Variants in TET2 observed in about 807,000 individuals in gnomAD.
The protein encoded by TET2 is tet methylcytosine dioxygenase 2, also known as methylcytosine dioxygenase TET2.
A neutral mutation model predicts 142.9 loss-of-function variants in TET2; 299 were observed. The observed-to-expected ratio is 2.09, with a 90% confidence interval of 1.90 to 2.30. TET2 has a LOEUF of 2.30. Among genes scored for constraint, TET2 ranks in the 30% most tolerant of loss-of-function variants. The probability of loss-of-function intolerance (pLI) is 0.00; values close to 1 mark genes in which losing one functional copy is unlikely to be tolerated. For synonymous variants in TET2, 819 were observed against 849.0 expected (o/e 0.96, Z 0.61); for missense variants, 2,418 against 2,378.0 (o/e 1.02, Z -0.35).
intron 6 of TET2, among the ~76,000 whole-genome samples, chr4:105,248,294 T>A (rs1204015589): frequency 6.6e-6 from 1 of 152,228 alleles, no homozygotes; most frequent in East Asian, 1.9e-4. Context: ...CAGTTTTCTC[T>A]CACTTGATGT....
Position 105,243,746 on chromosome 4 carries a change from G to A in TET2, c.3771G>A (p.Thr1257=), listed in dbSNP as rs778466455. ...CCGAGACGCTGAGGAAATACGGCAC[G>A]CTCACCAATCGCCGGTGTGCCTTGA... ...ELTETLRKYG[T]LTNRRCALNE... The change falls in exon 6 of 11, where the codon ACG becomes ACA. Residue 1257 remains threonine, a synonymous_variant. Coordinates refer to ENST00000380013, the MANE Select transcript of TET2 (RefSeq NM_001127208.3). 33 of 1,551,380 alleles carry A rather than the reference G, an allele frequency of 2.1e-5. No homozygotes were observed. The highest frequency in any genetic ancestry group is 1.7e-4 in the Middle Eastern group (1 of 6,012).
chr4:105,229,396 C>T (rs1003713413), intron 2 of TET2, among the ~76,000 whole-genome samples: 5 of 152,118 alleles, frequency 3.3e-5, no homozygotes, highest in Admixed American at 1.3e-4. Context: ...CTGCAACCTC[C>T]GCCTCCTGGG....
At chr4:105,270,958 G>T (rs1730924967) in intron 9 of TET2, among the ~76,000 whole-genome samples, 2 of 152,124 alleles carry the variant, frequency 1.3e-5, no homozygotes, top group South Asian at 4.2e-4. Context: ...GAAGAAGCTG[G>T]TGTGAAGTTT....
At position 105,275,939 on chromosome 4, in the gene TET2, C is replaced by T; in HGVS notation, c.5429C>T (p.Ala1810Val). ...CCAGCTCTTAACCATGATAGAACTG[C>T]TTGTGTCCAAGGAGGCTTACACAAA... ...MLPALNHDRTACVQGGLHKLS... is the reference protein window; with the variant it reads ...MLPALNHDRTVCVQGGLHKLS... The change falls in exon 11 of 11, where the codon GCT becomes GTT. Residue 1810 changes from alanine to valine, a missense_variant. By Grantham distance (64) the Ala-to-Val change is moderately conservative. Transcript: ENST00000380013. The T allele has an allele frequency of 1.3e-6, 2 of 1,551,964 alleles. No individual in the cohort carries two copies. Among genetic ancestry groups the T allele is most frequent in the Non-Finnish European group, 1.7e-6 (2 of 1,147,014 alleles).
intron 1 of TET2, among the ~76,000 whole-genome samples, chr4:105,168,131 AC>A (rs1391743518): frequency 6.6e-6 from 1 of 152,120 alleles, no homozygotes; most frequent in Non-Finnish European, 1.5e-5. Context: ...TTCTTACCTC[AC>A]CGTGGGTTTT....
chr4:105,229,598 C>T (rs904860254), intron 2 of TET2, among the ~76,000 whole-genome samples: 5 of 151,854 alleles, frequency 3.3e-5, no homozygotes, highest in Non-Finnish European at 5.9e-5. Context: ...CGTGAGCCAC[C>T]GTGCCTGGCC....
Position 105,244,081 on chromosome 4 carries a change from C to T in TET2, c.3803+303C>T, listed in dbSNP as rs1578692778. ...TGTGCTCACATGCTACAAGTGACGG[C>T]TCCTGTGTGCCTGGCCACTATATTA... On this transcript the variant is annotated intron_variant, in intron 6 of 10. Transcript: ENST00000380013. Among the ~76,000 whole-genome samples, 8 of 152,302 alleles carry T rather than the reference C, an allele frequency of 5.3e-5. 2 individuals are homozygous for T. Among genetic ancestry groups the T allele is most frequent in the Admixed American group, 5.2e-4 (8 of 15,304 alleles).
chr4:105,275,025 G>A (rs751220113), intron 10 of TET2, 23 bp from the exon 11 acceptor site: 3 of 1,475,236 alleles, frequency 2.0e-6, no homozygotes, highest in East Asian at 2.5e-5. Context: ...ACCTGTTTCT[G>A]TTCTCTCTTA....
rs571593644 is a variant in TET2 at position 105,261,170 on chromosome 4, T to G, written c.3955-589T>G. On this transcript the variant is annotated intron_variant, in intron 7 of 10. Coordinates refer to ENST00000380013, the MANE Select transcript of TET2 (RefSeq NM_001127208.3). ...TACCATTTTTTAACAGTATATTACT[T>G]GGAAAATCTGTTCTTCATGAGCAGG... Among the ~76,000 whole-genome samples, 6 of 152,222 alleles carry G rather than the reference T, an allele frequency of 3.9e-5. No individual in the cohort carries two copies. In the East Asian group the frequency reaches 7.7e-4, roughly 20 times the overall value.
chr4:105,200,861 A>G (rs1726420486), intron 2 of TET2, among the ~76,000 whole-genome samples: 3 of 151,976 alleles, frequency 2.0e-5, no homozygotes, highest in South Asian at 2.1e-4. Flanking sequence ...GGGTTTCACC[A>G]TGTTGGCCAG....
Position 105,237,245 on chromosome 4 carries a change from C to CA in TET2, c.3305dup (p.Asn1102LysfsTer2), listed in dbSNP as rs758899993. The CA allele has an allele frequency of 6.2e-7, 1 of 1,613,882 alleles. No homozygotes were observed. Among genetic ancestry groups the CA allele is most frequent in the Non-Finnish European group, 8.5e-7 (1 of 1,179,996 alleles). On this transcript the variant is annotated frameshift_variant, in exon 3 of 11. Coordinates refer to ENST00000380013, the MANE Select transcript of TET2 (RefSeq NM_001127208.3). LOFTEE classifies it high-confidence loss of function. ...CCAAAAGAACAGCTGCTTCTGTTCT[C>CA]AATAATTTTATAGAGTCACCTTCCA...
At chr4:105,225,113 A>C (rs1728104196) in intron 2 of TET2, among the ~76,000 whole-genome samples, 1 of 151,706 alleles carries the variant, frequency 6.6e-6, no homozygotes, top group Admixed American at 6.6e-5. Flanking sequence ...TCATTCTTAA[A>C]GTTTAATTCA....
intron 1 of TET2, among the ~76,000 whole-genome samples, chr4:105,166,542 A>G (rs889904140): frequency 1.3e-4 from 19 of 150,736 alleles, no homozygotes; most frequent in African/African-American, 4.4e-4. Context: ...TATGTCTATT[A>G]TTGCTTTAGT....
chr4:105,263,943 T>C (rs575439263), intron 8 of TET2, among the ~76,000 whole-genome samples: 7 of 152,040 alleles, frequency 4.6e-5, no homozygotes, highest in Non-Finnish European at 7.4e-5. Flanking sequence ...ACAGGAGCAA[T>C]AGGTATGGGG....
chr4:105,249,865 C>T (rs1010039938), intron 6 of TET2, among the ~76,000 whole-genome samples: 2 of 152,176 alleles, frequency 1.3e-5, no homozygotes, highest in African/African-American at 4.8e-5. Context: ...TGTCGCTTCA[C>T]TTTGATAATG....
chr4:105,178,366 A>G (rs1269665001), intron 1 of TET2, among the ~76,000 whole-genome samples: 1 of 152,232 alleles, frequency 6.6e-6, no homozygotes, highest in Admixed American at 6.5e-5. Context: ...TATGATTCCA[A>G]CTATATGACA....
At chr4:105,225,152 A>G (rs1728105560) in intron 2 of TET2, among the ~76,000 whole-genome samples, 1 of 149,312 alleles carries the variant, frequency 6.7e-6, no homozygotes, top group Non-Finnish European at 1.5e-5. Context: ...AAACCTATGA[A>G]GAAATCTCAT....
In TET2 at chr4:105,241,433, A is replaced by G. The variant is rs1292413273; in HGVS notation, c.3500+4A>G. On this transcript the variant is annotated splice_donor_region_variant and intron_variant, in intron 4 of 10. Transcript: ENST00000380013. Reference sequence around the variant, plus strand: ...TTAGAGAAATCATGGAAGAAAGGTAATTAACGCAAAGGCACAGGGCAGATT... The same window carrying G: ...TTAGAGAAATCATGGAAGAAAGGTAGTTAACGCAAAGGCACAGGGCAGATT... 4.5e-6 allele frequency: 7 copies of G among 1,549,028 alleles called. No individual in the cohort carries two copies. The highest frequency in any genetic ancestry group is 2.0e-5 in the Admixed American group (1 of 50,140).
intron 2 of TET2, among the ~76,000 whole-genome samples, chr4:105,217,839 G>A (rs751432215): frequency 5.8e-4 from 88 of 152,016 alleles, no homozygotes; most frequent in Middle Eastern, 3.4e-3. Flanking sequence ...TACACATTAG[G>A]ACACATCTCT....
Sources: allele counts gnomAD v4.1 joint callset (sites outside exome capture counted in the v4.1 genomes callset), GRCh38; gene constraint gnomAD v4.1.1; transcripts MANE v1.5; gene names NCBI Gene and HGNC (gene_info 2026-07-23, HGNC 2026-07-21).